The following TRPC5 variants were observed in gnomAD, a reference collection of about 807,000 sequenced individuals.
The protein encoded by TRPC5 is transient receptor potential cation channel subfamily C member 5.
Under a neutral mutation model 56.5 loss-of-function variants are expected in TRPC5, and 9 were observed. The observed-to-expected ratio is 0.16, with a 90% CI of 0.10 to 0.28. The LOEUF (loss-of-function observed/expected upper bound fraction) is 0.28. Ranked by LOEUF, TRPC5 falls within the 10% of genes least tolerant of loss-of-function variation. The pLI is 1.00. For synonymous variants in TRPC5, 282 were observed against 278.5 expected (o/e 1.01, Z -0.13); for missense variants, 469 against 748.9 (o/e 0.63, Z 4.36).
At chrX:112,005,863 A>C (rs1162487728) in intron 1 of TRPC5, among the ~76,000 whole-genome samples, 1 of 111,888 alleles carries the variant, frequency 8.9e-6, no homozygotes, top group African/African-American at 3.3e-5. Context: ...ACTGTCCCGG[A>C]GCTGTTTCAT....
chrX:111,800,289 A>G (rs1292068771), intron 7 of TRPC5, among the ~76,000 whole-genome samples: 2 of 111,646 alleles, frequency 1.8e-5, no homozygotes, highest in African/African-American at 6.5e-5. Context: ...AATAATAAAT[A>G]TATTTTTCTT....
At chrX:111,824,224 T>C (rs1202729290) in intron 7 of TRPC5, among the ~76,000 whole-genome samples, 283 of 80,249 alleles carry the variant, frequency 3.5e-3, no homozygotes, top group Admixed American at 8.0e-3. Context: ...AGCAAGACCC[T>C]GTCTCAAAAA....
At chrX:112,021,749 C>T (rs185831968) in intron 1 of TRPC5, among the ~76,000 whole-genome samples, 18 of 111,993 alleles carry the variant, frequency 1.6e-4, no homozygotes, top group Admixed American at 1.5e-3. Flanking sequence ...TGTGTTATGT[C>T]GGCATGCATG....
In TRPC5 at chrX:111,894,947, T is replaced by C. The variant is rs181176616; in HGVS notation, c.900+17344A>G. Among the ~76,000 whole-genome samples the C allele has an allele frequency of 1.0e-3, 114 of 111,020 alleles. No individual in the cohort carries two copies. In the South Asian group the frequency reaches 0.015, roughly 15 times the overall value. ...TTTGTGTGCCTGTTCTTGGATTTCATGTAAATGTAGTGATATGGTAGCTAA... is the reference window on the plus strand; with the variant it reads ...TTTGTGTGCCTGTTCTTGGATTTCACGTAAATGTAGTGATATGGTAGCTAA... On this transcript the variant is annotated intron_variant, in intron 3 of 10. Coordinates refer to ENST00000262839, the MANE Select transcript of TRPC5 (RefSeq NM_012471.3).
Position 111,825,127 on chromosome X carries a change from T to TTTCCTTCCTTCC in TRPC5, c.1896+9782_1896+9793dup, listed in dbSNP as rs1161308680. Among the ~76,000 whole-genome samples the TTTCCTTCCTTCC allele has an allele frequency of 1.6e-3, 141 of 86,825 alleles. 8 individuals carry two copies. Among genetic ancestry groups the TTTCCTTCCTTCC allele is most frequent in the African/African-American group, 9.2e-3 (123 of 13,402 alleles). 75.4% of individuals were successfully genotyped at this position (86,825 alleles called of 115,157 possible). A position where few individuals can be genotyped will look rare whatever the true frequency, so the allele number is the denominator to read the frequency against. On this transcript the variant is annotated intron_variant, in intron 7 of 10. Transcript: ENST00000262839. ...TTTTCTCTTTCTTTCTTTTCTTTCT[T>TTTCCTTCCTTCC]TTCCTTCCTTCCTTCCTTCCTTTCT...
chrX:111,875,800 C>T (rs896857790), intron 3 of TRPC5, among the ~76,000 whole-genome samples: 4 of 109,611 alleles, frequency 3.6e-5, no homozygotes, highest in African/African-American at 1.3e-4. Context: ...ATTAGATCCT[C>T]AACTCCTTTA....
At chrX:111,807,956 C>CTCTCTCTGTGTG (rs905386723) in intron 7 of TRPC5, among the ~76,000 whole-genome samples, 7 of 91,927 alleles carry the variant, frequency 7.6e-5, no homozygotes, top group African/African-American at 3.5e-4. Flanking sequence ...CTCTCTCTCT[C>CTCTCTCTGTGTG]TGTGTGTGTG....
In TRPC5 at chrX:111,853,861, G is replaced by A; in HGVS notation, c.1146C>T (p.Leu382=). The change falls in exon 4 of 11, where the codon CTC becomes CTT. Residue 382 remains leucine (L), a synonymous_variant. Coordinates refer to ENST00000262839, the MANE Select transcript of TRPC5 (RefSeq NM_012471.3). ...TCCTGACAATGTGCTGAGAAGCCAG[G>A]AGAAGCATAAAGAGGAAGGTCAAAT... The part of the protein sequence containing the change: ...ASYLTFLFML[L]LASQHIVRTD... 9 of 1,212,070 alleles carry A rather than the reference G, an allele frequency of 7.4e-6. No individual in the cohort carries two copies. Among genetic ancestry groups the A allele is most frequent in the Non-Finnish European group, 8.9e-6 (8 of 895,586 alleles).
intron 3 of TRPC5, among the ~76,000 whole-genome samples, chrX:111,905,677 G>A (rs960154907): frequency 2.7e-5 from 3 of 111,242 alleles, no homozygotes; most frequent in African/African-American, 6.6e-5. Context: ...CACTTTGGGA[G>A]GCCAAGGCAA....
intron 7 of TRPC5, among the ~76,000 whole-genome samples, chrX:111,815,112 G>A (rs2148567336): frequency 8.9e-6 from 1 of 112,088 alleles, no homozygotes; most frequent in South Asian, 3.7e-4. Flanking sequence ...GGCAGAGATG[G>A]AGGGAAGAAA....
intron 3 of TRPC5, among the ~76,000 whole-genome samples, chrX:111,891,956 A>G (rs932264005): frequency 8.9e-6 from 1 of 112,508 alleles, no homozygotes; most frequent in African/African-American, 3.2e-5. Context: ...ATGCTATGGA[A>G]TGTTATTTTG....
intron 3 of TRPC5, among the ~76,000 whole-genome samples, chrX:111,866,971 C>T (rs954669252): frequency 7.1e-5 from 8 of 112,028 alleles, no homozygotes; most frequent in African/African-American, 2.6e-4. Flanking sequence ...TGCCCAGCTC[C>T]GTGTGGCCTG....
rs765249694 is a variant in TRPC5, at chrX:112,059,071, ACT to A, written c.-22+22806_-22+22807del. ...GGATTACCAAGATACTCTTTATCAA[ACT>A]CTCTCCATCATGTTAATTCCATTCT... On this transcript the variant is annotated intron_variant, in intron 1 of 10. Coordinates refer to ENST00000262839, the MANE Select transcript of TRPC5 (RefSeq NM_012471.3). Among the ~76,000 whole-genome samples the A allele has an allele frequency of 1.4e-4, 16 of 111,500 alleles. No individual in the cohort carries two copies. In the South Asian group the frequency reaches 6.1e-3, roughly 43 times the overall value.
rs1488116315 is a variant in TRPC5 at position 112,017,047 on chromosome X, C to T, written c.-21-64606G>A. ...TTTGTTTTTTTGAGACAGAGTCTTG[C>T]CCTGTCTCCAGGCTGCAGTGCAGTG... On this transcript the variant is annotated intron_variant, in intron 1 of 10. Coordinates refer to ENST00000262839, the MANE Select transcript of TRPC5 (RefSeq NM_012471.3). 1.8e-5 allele frequency among the ~76,000 whole-genome samples: 2 copies of T among 111,594 alleles called. 1 individual carries two copies. Among genetic ancestry groups the T allele is most frequent in the South Asian group, 7.6e-4 (2 of 2,645 alleles).
At chrX:112,039,931 C>T (rs1929850361) in intron 1 of TRPC5, among the ~76,000 whole-genome samples, 1 of 111,980 alleles carries the variant, frequency 8.9e-6, no homozygotes, top group Non-Finnish European at 1.9e-5. Context: ...TACCTGACTA[C>T]TGAATATCTT....
intron 6 of TRPC5, among the ~76,000 whole-genome samples, chrX:111,846,798 C>A (rs1320581773): frequency 8.9e-6 from 1 of 112,053 alleles, no homozygotes; most frequent in Non-Finnish European, 1.9e-5. Context: ...ATCTACCTCA[C>A]CCCAATTAAT....
At chrX:111,777,096 C>G in intron 10 of TRPC5, 94 bp from the exon 11 acceptor site, 4 of 701,828 alleles carry the variant, frequency 5.7e-6, no homozygotes, top group Non-Finnish European at 7.9e-6. Context: ...CAGGTTTTTG[C>G]CTAGTAGCAA....
At position 112,035,077 on chromosome X, in the gene TRPC5, CTT is replaced by C. The variant is rs1182759042; in HGVS notation, c.-22+46800_-22+46801del. On this transcript the variant is annotated intron_variant, in intron 1 of 10. Coordinates refer to ENST00000262839, the MANE Select transcript of TRPC5 (RefSeq NM_012471.3). ...GTGACGCTGTTGATTTGAAGTTTTC[CTT>C]TTTTTTTTTTAAAAAAAAAAAAATG... Among the ~76,000 whole-genome samples, 88 of 82,041 alleles carry C rather than the reference CTT, an allele frequency of 1.1e-3. 1 individual carries two copies. Among genetic ancestry groups the C allele is most frequent in the African/African-American group, 4.5e-3 (83 of 18,518 alleles). 71.2% of individuals were successfully genotyped at this position (82,041 alleles called of 115,157 possible). A position where few individuals can be genotyped will look rare whatever the true frequency, so the allele number is the denominator to read the frequency against.
chrX:112,046,469 C>T (rs1930026939), intron 1 of TRPC5, among the ~76,000 whole-genome samples: 1 of 110,966 alleles, frequency 9.0e-6, no homozygotes, highest in Non-Finnish European at 1.9e-5. Context: ...TCCTAACTCC[C>T]TGTAGGCTGT....
Sources: gnomAD v4.1 joint callset for allele counts (sites outside exome capture counted in the v4.1 genomes callset) on GRCh38, gnomAD v4.1.1 for gene constraint, MANE v1.5 for transcripts, NCBI Gene and HGNC (gene_info 2026-07-23, HGNC 2026-07-21) for gene names.